The following FTO variants were observed in gnomAD, a reference collection of about 807,000 sequenced individuals.
FTO encodes alpha-ketoglutarate-dependent dioxygenase FTO.
Under a neutral mutation model 63.9 loss-of-function variants are expected in FTO, and 47 were observed. That is an observed-to-expected ratio of 0.74 (90% CI 0.58 to 0.94). The LOEUF is 0.94. Ranked by LOEUF, FTO falls within the 40% of genes least tolerant of loss-of-function variation. The probability of loss-of-function intolerance (pLI) is 0.00; values close to 1 mark genes in which losing one functional copy is unlikely to be tolerated. For missense variants in FTO, 562 were observed against 618.1 expected (o/e 0.91, Z 0.96); for synonymous variants, 207 against 224.4 (o/e 0.92, Z 0.69).
intron 7 of FTO, among the ~76,000 whole-genome samples, chr16:53,931,287 A>G (rs1845203719): frequency 6.7e-6 from 1 of 149,710 alleles, no homozygotes; most frequent in Admixed American, 6.7e-5. Context: ...ATATAACCAC[A>G]AACTATGTGA....
chr16:54,104,036 A>G (rs2086694404), intron 8 of FTO, among the ~76,000 whole-genome samples: 2 of 152,158 alleles, frequency 1.3e-5, no homozygotes, highest in South Asian at 4.1e-4. Context: ...TTTAGATACC[A>G]TGTTAATATG....
intron 7 of FTO, among the ~76,000 whole-genome samples, chr16:53,914,475 T>C (rs1006986907): frequency 6.6e-6 from 1 of 152,156 alleles, no homozygotes; most frequent in Admixed American, 6.5e-5. Flanking sequence ...TTTTAAAGAA[T>C]TGTACTCTCT....
chr16:53,716,395 GGAGA>G (rs1327456061), intron 1 of FTO, among the ~76,000 whole-genome samples: 1 of 152,096 alleles, frequency 6.6e-6, no homozygotes, highest in African/African-American at 2.4e-5. Context: ...TAGTTTATGA[GGAGA>G]AACTGTAGCC....
intron 1 of FTO, among the ~76,000 whole-genome samples, chr16:53,766,248 T>TG (rs1371592140): frequency 6.6e-6 from 1 of 152,150 alleles, no homozygotes; most frequent in Non-Finnish European, 1.5e-5. Context: ...TTTTTGGAGA[T>TG]GGGGTCTCAC....
At chr16:53,748,908 T>C (rs1319687409) in intron 1 of FTO, among the ~76,000 whole-genome samples, 2 of 151,560 alleles carry the variant, frequency 1.3e-5, no homozygotes, top group Non-Finnish European at 1.5e-5. Context: ...GGACTACAGG[T>C]ACATGCCACC....
chr16:53,986,314 G>A lies in FTO; in HGVS notation c.1364+52205G>A, dbSNP rs377217281. On this transcript the variant is annotated intron_variant, in intron 8 of 8. Transcript: ENST00000471389. The stretch of plus-strand genomic sequence containing the variant: ...CAGCAAATCTGGGTTAAACAGGTTC[G>A]AGTTTTTCCAGAGCACACTGTTTAG... Among the ~76,000 whole-genome samples, 22 of 152,250 alleles carry A rather than the reference G, an allele frequency of 1.4e-4. No homozygotes were observed. In the East Asian group the frequency reaches 2.1e-3, roughly 15 times the overall value.
At chr16:53,997,998 G>A (rs1412495562) in intron 8 of FTO, among the ~76,000 whole-genome samples, 1 of 152,136 alleles carries the variant, frequency 6.6e-6, no homozygotes, top group African/African-American at 2.4e-5. Flanking sequence ...CCAAGATGGG[G>A]CCACTGTCTA....
chr16:53,880,937 T>TAAA (rs34062544), intron 6 of FTO, among the ~76,000 whole-genome samples: 35 of 67,650 alleles, frequency 5.2e-4, no homozygotes, highest in East Asian at 9.4e-4. Flanking sequence ...CCGTCTCTAC[T>TAAA]AAAAAAAAAA....
At chr16:53,867,886 G>A (rs1598865550) in intron 4 of FTO, among the ~76,000 whole-genome samples, 1 of 152,108 alleles carries the variant, frequency 6.6e-6, no homozygotes. Context: ...CTACTATTAG[G>A]TGCATACTGT....
intron 8 of FTO, among the ~76,000 whole-genome samples, chr16:54,035,274 A>C (rs1275942107): frequency 6.6e-6 from 1 of 152,254 alleles, no homozygotes; most frequent in East Asian, 1.9e-4. Flanking sequence ...ATTCACATCC[A>C]GAAATGAAAT....
At chr16:53,839,525 G>A (rs1567346328) in intron 3 of FTO, among the ~76,000 whole-genome samples, 1 of 152,074 alleles carries the variant, frequency 6.6e-6, no homozygotes, top group Non-Finnish European at 1.5e-5. Context: ...AGATTTCAAA[G>A]GTGTTGGATT....
rs868115813 is a variant in FTO at position 53,859,487 on chromosome 16, T to C, written c.896-14299T>C. Among the ~76,000 whole-genome samples, 7 of 149,364 alleles carry C rather than the reference T, an allele frequency of 4.7e-5. No homozygotes were observed. The South Asian group carries it at 1.5e-3, about 31-fold the overall frequency. ...TATATCATATCAATGATATATATAT[T>C]TCATTATATGATTTATATATCATAT... On this transcript the variant is annotated intron_variant, in intron 4 of 8. Transcript: ENST00000471389.
intron 1 of FTO, among the ~76,000 whole-genome samples, chr16:53,784,720 T>C (rs1461053919): frequency 3.9e-5 from 6 of 152,200 alleles, no homozygotes. Context: ...TTACCAGTCA[T>C]TGCATAGATA....
intron 3 of FTO, 117 bp downstream of exon 3, chr16:53,826,608 T>C: frequency 4.3e-6 from 4 of 923,572 alleles, no homozygotes; most frequent in Non-Finnish European, 5.2e-6. Context: ...CTTGCGTGTG[T>C]ACATGCACAT....
At chr16:53,742,614 CA>C (rs1487664365) in intron 1 of FTO, among the ~76,000 whole-genome samples, 2 of 152,084 alleles carry the variant, frequency 1.3e-5, no homozygotes, top group East Asian at 3.9e-4. Context: ...TAGCTTGTGA[CA>C]AAACAGGATC....
At chr16:53,731,326 G>C (rs916648385) in intron 1 of FTO, among the ~76,000 whole-genome samples, 4 of 152,136 alleles carry the variant, frequency 2.6e-5, no homozygotes, top group African/African-American at 7.2e-5. Flanking sequence ...TGCTTCTCCA[G>C]GTGGGGGCCT....
intron 1 of FTO, among the ~76,000 whole-genome samples, chr16:53,790,722 TATAGGTTTGGAATGG>T (rs1216827936): frequency 6.6e-6 from 1 of 152,082 alleles, no homozygotes; most frequent in Admixed American, 6.6e-5. Context: ...CAGTTTCAAA[TATAGGTTTGGAATGG>T]AGATGAGGAC....
At chr16:53,752,637 A>G (rs969483157) in intron 1 of FTO, among the ~76,000 whole-genome samples, 1 of 152,194 alleles carries the variant, frequency 6.6e-6, no homozygotes, top group Non-Finnish European at 1.5e-5. Context: ...CATATGGAAT[A>G]ATTTGTCTTA....
intron 7 of FTO, among the ~76,000 whole-genome samples, chr16:53,915,544 T>A (rs534755860): frequency 1.3e-5 from 2 of 152,308 alleles, no homozygotes; most frequent in Admixed American, 1.3e-4. Context: ...CCTTAAGAGT[T>A]AACCAAAACT....
Sources: gnomAD v4.1 joint callset for allele counts (sites outside exome capture counted in the v4.1 genomes callset) on GRCh38, gnomAD v4.1.1 for gene constraint, MANE v1.5 for transcripts, NCBI Gene and HGNC (gene_info 2026-07-23, HGNC 2026-07-21) for gene names.